The following MIA2 variants were observed in gnomAD, a reference collection of about 807,000 sequenced individuals.
The protein encoded by MIA2 is MIA SH3 domain ER export factor 2.
In MIA2, 127 loss-of-function variants were observed where a neutral mutation model predicts 167.8. The observed-to-expected ratio is 0.76, with a 90% CI of 0.66 to 0.88. The LOEUF is 0.88. Among genes scored for constraint, MIA2 ranks in the 40% least tolerant of loss-of-function variants. MIA2 has a pLI of 0.00. For synonymous variants in MIA2, 552 were observed against 541.9 expected (o/e 1.02, Z -0.26); for missense variants, 1,690 against 1,624.7 (o/e 1.04, Z -0.69).
intron 23 of MIA2, 93 bp from the exon 24 acceptor site, chr14:39,320,835 A>G: frequency 7.3e-7 from 1 of 1,375,472 alleles, no homozygotes; most frequent in Admixed American, 2.1e-5. Context: ...TGGCAATAGG[A>G]TGACCTGATG....
chr14:39,266,169 G>A (rs530351164), intron 6 of MIA2: 1 of 985,414 alleles, frequency 1.0e-6, no homozygotes, highest in African/African-American at 1.7e-5. Context: ...TTGTTTAGGA[G>A]GAAGTATCTG....
chr14:39,333,930 T>G (rs775550753), intron 25 of MIA2, among the ~76,000 whole-genome samples: 12 of 152,170 alleles, frequency 7.9e-5, no homozygotes, highest in Non-Finnish European at 1.5e-4. Flanking sequence ...TCCCTGTGGT[T>G]TGACAGAGGG....
intron 13 of MIA2, among the ~76,000 whole-genome samples, chr14:39,298,413 T>TTTTTTATATATATA (rs1397878336): frequency 3.8e-5 from 1 of 26,138 alleles, no homozygotes; most frequent in African/African-American, 1.4e-4. Context: ...TGATTCTGTT[T>TTTTTTATATATATA]TATATATATA....
At chr14:39,386,373 C>G (rs2075272916) in intron 23 of MIA2, 2 of 1,547,534 alleles carry the variant, frequency 1.3e-6, no homozygotes, top group Admixed American at 1.7e-5. Flanking sequence ...CTGGGACTCT[C>G]TTTTGAGCAA....
intron 23 of MIA2, among the ~76,000 whole-genome samples, chr14:39,376,209 C>T (rs969450043): frequency 6.6e-6 from 1 of 152,168 alleles, no homozygotes; most frequent in Non-Finnish European, 1.5e-5. Flanking sequence ...CTGCCTTGAC[C>T]TCCCAAAGTG....
rs1162444151 is a variant in MIA2, at chr14:39,236,963, C to T, written c.157C>T (p.Pro53Ser). Residue 53 changes from proline (P) to serine (S), a missense_variant, in exon 2 of 29, where the codon CCT becomes TCT. By Grantham distance (74) the Pro-to-Ser change is moderately conservative. Transcript: ENST00000640607. ...RVSAMRDYRG[P>S]DCRYLNFTKG... ...CTCAGCCATGAGAGATTATAGAGGA[C>T]CTGACTGCCGATACCTGAACTTCAC... 5.6e-6 allele frequency: 9 copies of T among 1,613,940 alleles called. No homozygotes were observed. The highest frequency in any genetic ancestry group is 5.9e-6 in the Non-Finnish European group (7 of 1,179,918).
intron 23 of MIA2, among the ~76,000 whole-genome samples, chr14:39,373,529 T>G (rs1278947489): frequency 6.6e-6 from 1 of 152,080 alleles, no homozygotes; most frequent in Admixed American, 6.5e-5. Context: ...TGTGTAGAAA[T>G]GAGAAAATAG....
chr14:39,345,832 C>G, intron 25 of MIA2, 72 bp from the exon 26 acceptor site: 2 of 1,312,418 alleles, frequency 1.5e-6, no homozygotes, highest in Non-Finnish European at 2.1e-6. Context: ...AGTGTAAGTT[C>G]AATACGTTAA....
At chr14:39,362,021 A>G (rs1447557041) in intron 23 of MIA2, among the ~76,000 whole-genome samples, 1 of 152,032 alleles carries the variant, frequency 6.6e-6, no homozygotes, top group Admixed American at 6.5e-5. Context: ...CCATCCTTTT[A>G]TCTGTGGGAT....
intron 3 of MIA2, among the ~76,000 whole-genome samples, chr14:39,242,928 G>A (rs769125134): frequency 4.9e-4 from 74 of 151,660 alleles, no homozygotes; most frequent in Non-Finnish European, 9.7e-4. Context: ...TTCAAGACCA[G>A]CCTGACCAAC....
In MIA2 at chr14:39,248,085, A is replaced by G. The variant is rs374960961; in HGVS notation, c.1511A>G (p.Asn504Ser). 9.6e-6 allele frequency: 15 copies of G among 1,561,058 alleles called. No individual in the cohort carries two copies. The African/African-American group carries it at 1.9e-4, about 20-fold the overall frequency. ...NEETGEFSID[N>S]YPTDNTKVMI... ...GAAACTGGAGAATTTTCCATTGATAATTATCCCACAGATAATACAAAAGTT... is the reference window on the plus strand; with the variant it reads ...GAAACTGGAGAATTTTCCATTGATAGTTATCCCACAGATAATACAAAAGTT... Residue 504 changes from asparagine to serine, a missense_variant, in exon 4 of 29, where the codon AAT becomes AGT. Coordinates refer to ENST00000640607, the MANE Select transcript of MIA2 (RefSeq NM_001329214.4).
intron 6 of MIA2, among the ~76,000 whole-genome samples, chr14:39,268,470 A>G (rs1335421090): frequency 6.6e-6 from 1 of 151,834 alleles, no homozygotes; most frequent in Non-Finnish European, 1.5e-5. Flanking sequence ...AAAAAATAGT[A>G]CAAAGTAGAA....
chr14:39,236,819 G>C lies in MIA2; in HGVS notation c.116-103G>C. ...GGCCATAAATGATATAAAGAAATTA[G>C]CATTTGGAAACATATAGGATGGATT... is the stretch of plus-strand genomic sequence containing the variant. On this transcript the variant is annotated intron_variant, in intron 1 of 28. Transcript: ENST00000640607. The C allele has an allele frequency of 2.7e-6, 3 of 1,095,810 alleles. No individual in the cohort carries two copies. In the South Asian group the frequency reaches 5.0e-5, roughly 18 times the overall value. The allele number at this position is 1,095,810 out of a possible 1,614,324, so 67.9% of individuals were successfully genotyped here.
chr14:39,339,293 T>G (rs1266826799), intron 25 of MIA2, among the ~76,000 whole-genome samples: 1 of 152,196 alleles, frequency 6.6e-6, no homozygotes, highest in Non-Finnish European at 1.5e-5. Context: ...TAGGGACCCC[T>G]GCTGTAGATG....
intron 6 of MIA2, chr14:39,265,967 C>T (rs2055562857): frequency 1.0e-6 from 1 of 985,388 alleles, no homozygotes; most frequent in South Asian, 4.7e-5. Flanking sequence ...GCTGATGTGG[C>T]AAAGGAGAAA....
intron 13 of MIA2, 54 bp downstream of exon 13, chr14:39,295,083 T>G: frequency 8.1e-7 from 1 of 1,240,110 alleles, no homozygotes; most frequent in Non-Finnish European, 1.2e-6. Flanking sequence ...ATAGATGTTC[T>G]TGTCATCCTC....
At chr14:39,385,735 A>G (rs1366710688) in intron 23 of MIA2, 2 of 909,664 alleles carry the variant, frequency 2.2e-6, no homozygotes, top group Non-Finnish European at 1.9e-6. Flanking sequence ...ACGTGTCTCT[A>G]CCGGATTCTG....
Position 39,252,858 on chromosome 14 carries a change from G to C in MIA2, c.1678G>C (p.Gly560Arg). Residue 560 changes from glycine to arginine, a missense_variant, in exon 5 of 29, where the codon GGG (glycine) becomes CGG (arginine). Gly to Arg is a moderately radical substitution (Grantham distance 125). Transcript: ENST00000640607. ...TTCGAAACCATCAGTAGACACCGAAGGGCCTGCTCTGGTGGAGATAGACAG... is the reference window on the plus strand; with the variant it reads ...TTCGAAACCATCAGTAGACACCGAACGGCCTGCTCTGGTGGAGATAGACAG... ...ENSKPSVDTE[G>R]PALVEIDRSV... is the part of the protein sequence containing the mutation. 1 of 1,614,000 alleles carries C rather than the reference G, an allele frequency of 6.2e-7. No individual in the cohort carries two copies. The highest frequency in any genetic ancestry group is 8.5e-7 in the Non-Finnish European group (1 of 1,179,948).
chr14:39,381,824 AAAAC>A (rs2075170566), intron 23 of MIA2, among the ~76,000 whole-genome samples: 1 of 151,504 alleles, frequency 6.6e-6, no homozygotes, highest in South Asian at 2.1e-4. Context: ...CAAAAACAAA[AAAAC>A]CAGAAACAAA....
Sources: allele counts gnomAD v4.1 joint callset (sites outside exome capture counted in the v4.1 genomes callset), GRCh38; gene constraint gnomAD v4.1.1; transcripts MANE v1.5; gene names NCBI Gene and HGNC (gene_info 2026-07-23, HGNC 2026-07-21).